Variants in KMT2C observed in about 807,000 individuals in gnomAD.
The protein encoded by KMT2C is histone-lysine N-methyltransferase 2C.
Under a neutral mutation model 507.9 loss-of-function variants are expected in KMT2C, and 88 were observed. The ratio of observed to expected loss-of-function variants is 0.17; its 90% CI spans 0.15 to 0.21. KMT2C has a LOEUF of 0.21. KMT2C is among the 10% of genes least tolerant of loss of function. The probability of loss-of-function intolerance (pLI) is 1.00; values close to 1 mark genes in which losing one functional copy is unlikely to be tolerated. For missense variants in KMT2C, 4,954 were observed against 5,957.8 expected, an observed-to-expected ratio of 0.83 and a Z score of 5.55; for synonymous variants, 2,049 against 2,080.8, an observed-to-expected ratio of 0.98 and a Z score of 0.42.
At chr7:152,318,556 G>A (rs2096742729) in intron 3 of KMT2C, among the ~76,000 whole-genome samples, 1 of 149,210 alleles carries the variant, frequency 6.7e-6, no homozygotes, top group African/African-American at 2.5e-5. Flanking sequence ...GAACCAGGGA[G>A]GTAGAGGTTG....
Position 152,376,897 on chromosome 7 carries a change from T to C in KMT2C, c.162-18222A>G, listed in dbSNP as rs556738500. Reference sequence around the variant, plus strand: ...AGCTAGAGAGGGAAAATCAATGCCTTGCTTCAAAGGTCAGGCTGGGGCCAC... The same window carrying C: ...AGCTAGAGAGGGAAAATCAATGCCTCGCTTCAAAGGTCAGGCTGGGGCCAC... On this transcript the variant is annotated intron_variant, in intron 1 of 58. Coordinates refer to ENST00000262189, the MANE Select transcript of KMT2C (RefSeq NM_170606.3). Among the ~76,000 whole-genome samples, 1,131 of 152,362 alleles carry C rather than the reference T, an allele frequency of 7.4e-3. 1 individual carries two copies. The highest frequency in any genetic ancestry group is 0.026 in the African/African-American group (1,089 of 41,582).
At chr7:152,283,956 G>C (rs977153913) in intron 6 of KMT2C, among the ~76,000 whole-genome samples, 1 of 150,974 alleles carries the variant, frequency 6.6e-6, no homozygotes, top group African/African-American at 2.4e-5. Context: ...CTCAAAAAAA[G>C]ATAGAAAAAA....
chr7:152,262,843 A>G (rs7793081), intron 9 of KMT2C, among the ~76,000 whole-genome samples, 173 bp downstream of exon 9: 6,528 of 152,244 alleles, frequency 0.043, 488 homozygotes, highest in African/African-American at 0.15. Context: ...GGTGATGACT[A>G]TGTTCATTAT....
In KMT2C at chr7:152,309,931, A is replaced by G. The variant is rs188024383; in HGVS notation, c.849+35T>C. 586 of 1,307,958 alleles carry G rather than the reference A, an allele frequency of 4.5e-4. 6 individuals carry two copies. In the African/African-American group the frequency reaches 7.6e-3, roughly 17 times the overall value. 81.0% of individuals were successfully genotyped at this position (1,307,958 alleles called of 1,614,324 possible). ...ACTTCTGATTAAAGTGAATGTTATA[A>G]AACTATGATTTAAATATTTGCTTTG... On this transcript the variant is annotated intron_variant, in intron 6 of 58. Coordinates refer to ENST00000262189, the MANE Select transcript of KMT2C (RefSeq NM_170606.3).
At chr7:152,399,752 C>T (rs2097560379) in intron 1 of KMT2C, among the ~76,000 whole-genome samples, 1 of 151,684 alleles carries the variant, frequency 6.6e-6, no homozygotes, top group Non-Finnish European at 1.5e-5. Flanking sequence ...AAAAAATAAA[C>T]CTTATTAACA....
intron 3 of KMT2C, among the ~76,000 whole-genome samples, chr7:152,325,276 G>A (rs1199853865): frequency 6.6e-6 from 1 of 151,194 alleles, no homozygotes; most frequent in African/African-American, 2.4e-5. Context: ...AGCCTCCCAA[G>A]TAGCTGGGAC....
At chr7:152,291,207 A>G (rs1413391735) in intron 6 of KMT2C, among the ~76,000 whole-genome samples, 2 of 152,228 alleles carry the variant, frequency 1.3e-5, no homozygotes, top group African/African-American at 2.4e-5. Flanking sequence ...CTCATTCCGC[A>G]GCGCAAAAAA....
chr7:152,252,172 G>T, intron 10 of KMT2C, 82 bp from the exon 11 acceptor site: 2 of 1,014,070 alleles, frequency 2.0e-6, no homozygotes, highest in Non-Finnish European at 1.4e-6. Flanking sequence ...CTGAAAAGCT[G>T]GATATGAAAA....
chr7:152,391,678 A>G (rs762341911), intron 1 of KMT2C, among the ~76,000 whole-genome samples: 3 of 151,774 alleles, frequency 2.0e-5, no homozygotes, highest in Non-Finnish European at 2.9e-5. Context: ...CTGGGATTAC[A>G]GGCACACACC....
At chr7:152,435,259 T>C (rs1183581169) in intron 1 of KMT2C, among the ~76,000 whole-genome samples, 1 of 151,976 alleles carries the variant, frequency 6.6e-6, no homozygotes, top group Non-Finnish European at 1.5e-5. Flanking sequence ...GTCCGGGGAC[T>C]ACCTGGGCGC....
At chr7:152,204,931 T>C (rs1181685080) in intron 25 of KMT2C, among the ~76,000 whole-genome samples, 175 bp downstream of exon 25, 1 of 151,968 alleles carries the variant, frequency 6.6e-6, no homozygotes, top group Non-Finnish European at 1.5e-5. Flanking sequence ...ATGAACTCTA[T>C]ACGCACTCAA....
chr7:152,200,189 T>C (rs867262389), intron 26 of KMT2C, among the ~76,000 whole-genome samples: 24 of 152,152 alleles, frequency 1.6e-4, no homozygotes, highest in African/African-American at 4.8e-4. Context: ...CAGGACAATT[T>C]TGCAATACAA....
chr7:152,151,962 A>G lies in KMT2C; in HGVS notation c.12527-381T>C, dbSNP rs144230732. 4.4e-4 allele frequency among the ~76,000 whole-genome samples: 67 copies of G among 152,386 alleles called. 1 individual carries two copies. The highest frequency in any genetic ancestry group is 1.9e-3 in the Admixed American group (29 of 15,308). Reference sequence around the variant, plus strand: ...TTATGAAAGATACAATGACATATGTATAAGAGTCTTAAATAAGTGTGACTT... The same window carrying G: ...TTATGAAAGATACAATGACATATGTGTAAGAGTCTTAAATAAGTGTGACTT... On this transcript the variant is annotated intron_variant, in intron 49 of 58. Coordinates refer to ENST00000262189, the MANE Select transcript of KMT2C (RefSeq NM_170606.3).
chr7:152,158,720 T>G, intron 44 of KMT2C, 143 bp downstream of exon 44: 1 of 727,708 alleles, frequency 1.4e-6, no homozygotes, highest in South Asian at 1.7e-5. Context: ...TTTGCCATGT[T>G]GGCTAAGCTC....
chr7:152,425,620 C>T (rs557695756), intron 1 of KMT2C, among the ~76,000 whole-genome samples: 97 of 152,278 alleles, frequency 6.4e-4, no homozygotes, highest in African/African-American at 2.3e-3. Context: ...AACACTTCAA[C>T]TATGGTAGAA....
chr7:152,271,469 C>A (rs905829461), intron 7 of KMT2C, among the ~76,000 whole-genome samples: 1 of 151,904 alleles, frequency 6.6e-6, no homozygotes, highest in South Asian at 2.1e-4. Flanking sequence ...GTCAGGAGTT[C>A]GAGACGAATC....
rs534916005 is a variant in KMT2C, at chr7:152,244,473, G to A, written c.2532+3429C>T. Among the ~76,000 whole-genome samples, 13 of 152,196 alleles carry A rather than the reference G, an allele frequency of 8.5e-5. No individual in the cohort carries two copies. The South Asian group carries it at 2.5e-3, about 29-fold the overall frequency. ...GAGATGGAAGGATCGCTTGAGGCCA[G>A]GAGTTCGTAACCAGCCTGGTCTACA... is the stretch of plus-strand genomic sequence containing the variant. On this transcript the variant is annotated intron_variant, in intron 14 of 58. Transcript: ENST00000262189.
At chr7:152,314,448 A>G (rs1033520411) in intron 4 of KMT2C, among the ~76,000 whole-genome samples, 4 of 152,154 alleles carry the variant, frequency 2.6e-5, no homozygotes, top group Admixed American at 6.5e-5. Context: ...ACAACTGTAC[A>G]AAATATTTTA....
intron 1 of KMT2C, among the ~76,000 whole-genome samples, chr7:152,388,254 T>C (rs1220985100): frequency 6.6e-6 from 1 of 152,276 alleles, no homozygotes; most frequent in African/African-American, 2.4e-5. Flanking sequence ...TATCCACACC[T>C]GCTAAATAAA....
Sources: gnomAD v4.1 joint callset for allele counts (sites outside exome capture counted in the v4.1 genomes callset) on GRCh38, gnomAD v4.1.1 for gene constraint, MANE v1.5 for transcripts, NCBI Gene and HGNC (gene_info 2026-07-23, HGNC 2026-07-21) for gene names.